The following HSD17B12 variants were observed in gnomAD, a reference collection of about 807,000 sequenced individuals.
HSD17B12 encodes the protein very-long-chain 3-oxoacyl-CoA reductase.
A neutral mutation model predicts 39.3 loss-of-function variants in HSD17B12; 32 were observed. The ratio of observed to expected loss-of-function variants is 0.81; its 90% CI spans 0.61 to 1.09. HSD17B12 has a LOEUF of 1.09. HSD17B12 is among the 50% of genes least tolerant of loss of function. The pLI, the probability that HSD17B12 is intolerant of heterozygous loss-of-function variation, is 0.00. For synonymous variants in HSD17B12, 150 were observed against 146.7 expected (o/e 1.02, Z -0.16); for missense variants, 342 against 382.9 (o/e 0.89, Z 0.89).
chr11:43,575,721 C>T, the HSD17B12 span, among the ~76,000 whole-genome samples: 8 of 152,234 alleles, frequency 5.3e-5, no homozygotes, highest in Admixed American at 2.0e-4. The surrounding 1 kb of genome is among the most constrained non-coding windows in gnomAD (Gnocchi z 4.1). Context: ...GGAGAATCTG[C>T]ACGTGACGTC....
At chr11:43,678,615 G>A (rs1949713534), upstream of HSD17B12, among the ~76,000 whole-genome samples, 1 of 152,100 alleles carries the variant, frequency 6.6e-6, no homozygotes, top group Non-Finnish European at 1.5e-5. Flanking sequence ...TTTTGTATAA[G>A]GTGTAAGGAA....
chr11:43,581,732 G>C, the HSD17B12 span, among the ~76,000 whole-genome samples: 3 of 152,100 alleles, frequency 2.0e-5, no homozygotes, highest in African/African-American at 7.2e-5. This position sits in a 1 kb window ranked among gnomAD's most constrained non-coding sequence, Gnocchi z 4.9. Flanking sequence ...GTGTGTTTTC[G>C]GAGAAGTGAG....
At chr11:43,771,875 T>G (rs1442072540) in intron 3 of HSD17B12, among the ~76,000 whole-genome samples, 1 of 152,186 alleles carries the variant, frequency 6.6e-6, no homozygotes, top group Non-Finnish European at 1.5e-5. Context: ...ACAAATATGG[T>G]AGCAGACTCA....
the HSD17B12 span, among the ~76,000 whole-genome samples, chr11:43,663,396 G>C: frequency 6.6e-6 from 1 of 152,062 alleles, no homozygotes; most frequent in Non-Finnish European, 1.5e-5. Context: ...CACCATGCCT[G>C]GCCTATTTTT....
chr11:43,770,657 C>T (rs1046870918), intron 3 of HSD17B12, among the ~76,000 whole-genome samples: 2 of 152,160 alleles, frequency 1.3e-5, no homozygotes, highest in Non-Finnish European at 2.9e-5. Flanking sequence ...ATTGCTTAAG[C>T]CTGGGAGGTT....
chr11:43,768,497 T>TC (rs1444914780), intron 3 of HSD17B12, among the ~76,000 whole-genome samples: 4 of 152,250 alleles, frequency 2.6e-5, no homozygotes, highest in African/African-American at 7.2e-5. Context: ...CTCACTGACT[T>TC]CAAGAATGAA....
chr11:43,715,419 G>C (rs1366271204), intron 1 of HSD17B12, among the ~76,000 whole-genome samples: 2 of 152,120 alleles, frequency 1.3e-5, no homozygotes, highest in African/African-American at 2.4e-5. Flanking sequence ...TTATATGCTG[G>C]ATTACGTTTA....
At chr11:43,662,019 C>G in the HSD17B12 span, among the ~76,000 whole-genome samples, 55 of 152,102 alleles carry the variant, frequency 3.6e-4, no homozygotes, top group Non-Finnish European at 6.8e-4. Context: ...TTATACTTTC[C>G]TTCTTGTGGG....
chr11:43,634,490 A>C, the HSD17B12 span, among the ~76,000 whole-genome samples: 6 of 152,254 alleles, frequency 3.9e-5, no homozygotes, highest in Non-Finnish European at 8.8e-5. Context: ...TAGAAAATTA[A>C]CACCATTACG....
At chr11:43,759,884 C>T (rs1349573169) in intron 3 of HSD17B12, among the ~76,000 whole-genome samples, 3 of 151,712 alleles carry the variant, frequency 2.0e-5, no homozygotes, top group Non-Finnish European at 4.4e-5. Context: ...TGTACCACCA[C>T]ACTTGGCTGA....
chr11:43,746,241 A>C (rs1392065916), intron 1 of HSD17B12, among the ~76,000 whole-genome samples: 1 of 152,192 alleles, frequency 6.6e-6, no homozygotes, highest in Admixed American at 6.5e-5. Flanking sequence ...CTTTTACTTT[A>C]TAAATTTATC....
At chr11:43,841,636 A>G (rs1341933715) in intron 9 of HSD17B12, among the ~76,000 whole-genome samples, 1 of 152,178 alleles carries the variant, frequency 6.6e-6, no homozygotes, top group Non-Finnish European at 1.5e-5. Flanking sequence ...AGGAGTTTTG[A>G]TGGTTGGCAA....
At chr11:43,656,321 A>T in the HSD17B12 span, among the ~76,000 whole-genome samples, 1 of 152,130 alleles carries the variant, frequency 6.6e-6, no homozygotes, top group African/African-American at 2.4e-5. Context: ...CTAGCGGTCT[A>T]TCAATTTTGT....
intron 3 of HSD17B12, among the ~76,000 whole-genome samples, chr11:43,789,233 A>G (rs1031976161): frequency 2.6e-5 from 4 of 152,216 alleles, no homozygotes; most frequent in African/African-American, 9.6e-5. Context: ...TAGAGCAGCA[A>G]TTGGGTTTAC....
the HSD17B12 span, among the ~76,000 whole-genome samples, chr11:43,577,364 A>G: frequency 6.6e-6 from 1 of 152,168 alleles, no homozygotes; most frequent in Non-Finnish European, 1.5e-5. Context: ...AAGGAAAGGA[A>G]AAAAGATTTA....
At chr11:43,584,207 A>G in the HSD17B12 span, among the ~76,000 whole-genome samples, 1 of 151,616 alleles carries the variant, frequency 6.6e-6, no homozygotes, top group Admixed American at 6.6e-5. Context: ...TCTTTCCCGG[A>G]CCTGTGGTTG....
chr11:43,626,289 G>A, the HSD17B12 span, among the ~76,000 whole-genome samples: 4 of 151,706 alleles, frequency 2.6e-5, no homozygotes, highest in African/African-American at 9.7e-5. Flanking sequence ...TTGTAAAGCA[G>A]AATGACAAAT....
At chr11:43,690,789 C>T (rs1949855551) in intron 1 of HSD17B12, among the ~76,000 whole-genome samples, 1 of 151,974 alleles carries the variant, frequency 6.6e-6, no homozygotes, top group African/African-American at 2.4e-5. Flanking sequence ...TTCTGTGTGC[C>T]TCAGTTTCCT....
the HSD17B12 span, among the ~76,000 whole-genome samples, chr11:43,623,867 G>T: frequency 6.6e-6 from 1 of 151,924 alleles, no homozygotes; most frequent in East Asian, 1.9e-4. Flanking sequence ...TCAGATACAA[G>T]CCATCAGTGA....
Sources: allele counts gnomAD v4.1 joint callset (sites outside exome capture counted in the v4.1 genomes callset), GRCh38; gene constraint gnomAD v4.1.1; non-coding constraint Gnocchi (gnomAD v3.1); transcripts MANE v1.5; gene names NCBI Gene and HGNC (gene_info 2026-07-23, HGNC 2026-07-21).